MRAP2: variants seen among roughly 807,000 people sequenced by gnomAD.
MRAP2 encodes the protein melanocortin 2 receptor accessory protein 2, also known as melanocortin-2 receptor accessory protein 2.
MRAP2 carries 20 observed loss-of-function variants against 17.4 expected under a neutral mutation model. The observed-to-expected ratio is 1.15, with a 90% CI of 0.81 to 1.67. The LOEUF (loss-of-function observed/expected upper bound fraction) is 1.67. Among genes scored for constraint, MRAP2 ranks in the 40% most tolerant of loss-of-function variants. The probability of loss-of-function intolerance (pLI) is 0.00; values close to 1 mark genes in which losing one functional copy is unlikely to be tolerated. For missense variants in MRAP2, 238 were observed against 240.0 expected (o/e 0.99, Z 0.05); for synonymous variants, 96 against 88.4 (o/e 1.09, Z -0.48).
intron 1 of MRAP2, among the ~76,000 whole-genome samples, chr6:84,039,143 A>G (rs942188724): frequency 5.9e-5 from 9 of 152,220 alleles, no homozygotes; most frequent in African/African-American, 1.9e-4. Context: ...TAAAATCACA[A>G]TAAATACTTG....
the MRAP2 span, among the ~76,000 whole-genome samples, chr6:84,098,625 A>T: frequency 6.6e-6 from 1 of 152,114 alleles, no homozygotes; most frequent in Non-Finnish European, 1.5e-5. Flanking sequence ...CCTTTCCAAC[A>T]TATTGTAACA....
At chr6:84,068,243 A>C (rs922744601) in intron 3 of MRAP2, among the ~76,000 whole-genome samples, 1 of 152,150 alleles carries the variant, frequency 6.6e-6, no homozygotes, top group Non-Finnish European at 1.5e-5. Flanking sequence ...TCATTGGCCT[A>C]TGTGCCCATT....
the MRAP2 span, among the ~76,000 whole-genome samples, chr6:84,127,271 GA>G: frequency 1.3e-5 from 2 of 152,040 alleles, no homozygotes; most frequent in Non-Finnish European, 2.9e-5. Context: ...AAAATGGATA[GA>G]ACTAACAATA....
At chr6:84,102,805 TAA>T in the MRAP2 span, among the ~76,000 whole-genome samples, 3 of 148,036 alleles carry the variant, frequency 2.0e-5, no homozygotes, top group African/African-American at 7.4e-5. Flanking sequence ...GTTTACAACT[TAA>T]AAAAAAAAAT....
chr6:84,057,042 C>T (rs554147487), intron 2 of MRAP2, among the ~76,000 whole-genome samples: 3 of 152,188 alleles, frequency 2.0e-5, no homozygotes, highest in East Asian at 1.9e-4. Context: ...AACAAAAATG[C>T]CTGAGCACTT....
the MRAP2 span, among the ~76,000 whole-genome samples, chr6:84,109,459 TA>T: frequency 5.3e-5 from 8 of 152,158 alleles, no homozygotes; most frequent in African/African-American, 1.9e-4. Context: ...ATTCAAGGTT[TA>T]GCTCTCTCGG....
chr6:84,073,185 G>A (rs768324377), intron 3 of MRAP2, among the ~76,000 whole-genome samples: 19 of 152,236 alleles, frequency 1.2e-4, no homozygotes, highest in Non-Finnish European at 8.8e-5. Context: ...TCCTCTGGCC[G>A]CCCTGCCTAT....
intron 1 of MRAP2, among the ~76,000 whole-genome samples, chr6:84,037,570 C>G (rs1020173687): frequency 4.0e-5 from 6 of 148,884 alleles, no homozygotes; most frequent in African/African-American, 1.6e-4. Flanking sequence ...GGGAGCCCAC[C>G]ACGGGGTGGG....
chr6:84,094,658 C>A (rs1032261528), downstream of MRAP2, among the ~76,000 whole-genome samples: 6 of 151,910 alleles, frequency 3.9e-5, no homozygotes, highest in African/African-American at 1.5e-4. Flanking sequence ...ATATTTCTAC[C>A]AATAGTCTGT....
rs553322430 is a variant in MRAP2 at position 84,068,628 on chromosome 6, G to T, written c.227+5636G>T. ...CCTTTGTTAGGTTATTCCTAAGTTT[G>T]TTTTTTTGTTTTTTGTTTTTTTGTG... On this transcript the variant is annotated intron_variant, in intron 3 of 3. Coordinates refer to ENST00000257776, the MANE Select transcript of MRAP2 (RefSeq NM_138409.4). 5.9e-3 allele frequency among the ~76,000 whole-genome samples: 897 copies of T among 151,044 alleles called. 5 individuals carry two copies. The highest frequency in any genetic ancestry group is 0.021 in the African/African-American group (862 of 41,192).
At chr6:84,123,955 G>A in the MRAP2 span, among the ~76,000 whole-genome samples, 2 of 152,108 alleles carry the variant, frequency 1.3e-5, no homozygotes, top group African/African-American at 2.4e-5. Context: ...CAACAAACAC[G>A]TGAAAAAGTG....
rs549837524 is a variant in MRAP2, at chr6:84,089,785, T to G, written c.*304T>G. The G allele has an allele frequency of 1.4e-4, 41 of 288,296 alleles. 1 individual carries two copies. In the South Asian group the frequency reaches 5.2e-3, roughly 36 times the overall value. The allele number at this position is 288,296 out of a possible 1,614,324, so 17.9% of individuals were successfully genotyped here. ...GCTTTGAATGTGGCCCAATACAAAT[T>G]TTAAACTTTATTAAAACATGAGTTT... On this transcript the variant is annotated 3_prime_UTR_variant, in exon 4 of 4. Transcript: ENST00000257776.
chr6:84,131,894 C>G, the MRAP2 span, among the ~76,000 whole-genome samples: 1 of 152,150 alleles, frequency 6.6e-6, no homozygotes. Context: ...GTGATGTTAG[C>G]TGGTTATTTT....
chr6:84,037,282 A>G (rs1238559146), intron 1 of MRAP2, among the ~76,000 whole-genome samples: 1 of 146,912 alleles, frequency 6.8e-6, no homozygotes, highest in African/African-American at 2.4e-5. Context: ...GATTAGCTAG[A>G]TACAGAGTGC....
At chr6:84,049,982 A>ATGTGTGTG (rs3028685) in intron 1 of MRAP2, among the ~76,000 whole-genome samples, 1 of 151,068 alleles carries the variant, frequency 6.6e-6, no homozygotes, top group South Asian at 2.1e-4. Context: ...GCGTGCATTC[A>ATGTGTGTG]TGTGTGTGTG....
the MRAP2 span, among the ~76,000 whole-genome samples, chr6:84,123,038 G>T: frequency 6.6e-6 from 1 of 151,536 alleles, no homozygotes; most frequent in African/African-American, 2.4e-5. Flanking sequence ...AACCAAGGAG[G>T]TAAAAAAGAA....
chr6:84,039,377 A>G (rs1018525341), intron 1 of MRAP2, among the ~76,000 whole-genome samples: 1 of 152,160 alleles, frequency 6.6e-6, no homozygotes, highest in Non-Finnish European at 1.5e-5. Context: ...TGATCATGTT[A>G]TTTTTGCTTC....
the MRAP2 span, among the ~76,000 whole-genome samples, chr6:84,113,133 C>T: frequency 2.6e-5 from 4 of 152,208 alleles, no homozygotes; most frequent in Admixed American, 6.5e-5. Context: ...GAGCTGAGTT[C>T]GAGTCCTGAA....
At chr6:84,081,187 C>G (rs2099498881) in intron 3 of MRAP2, among the ~76,000 whole-genome samples, 1 of 152,114 alleles carries the variant, frequency 6.6e-6, no homozygotes, top group South Asian at 2.1e-4. Flanking sequence ...ATTTCAAGTG[C>G]ACCATTATCC....
Sources: allele counts gnomAD v4.1 joint callset (sites outside exome capture counted in the v4.1 genomes callset), GRCh38; gene constraint gnomAD v4.1.1; transcripts MANE v1.5; gene names NCBI Gene and HGNC (gene_info 2026-07-23, HGNC 2026-07-21).